The following RHOBTB3 variants were observed in gnomAD, a reference collection of about 807,000 sequenced individuals.
RHOBTB3 encodes the protein Rho related BTB domain containing 3.
In RHOBTB3, 47 loss-of-function variants were observed where a neutral mutation model predicts 67.2. The ratio of observed to expected loss-of-function variants is 0.70; its 90% CI spans 0.55 to 0.89. The LOEUF is 0.89. RHOBTB3 is among the 40% of genes least tolerant of loss of function. The pLI, the probability that RHOBTB3 is intolerant of heterozygous loss-of-function variation, is 0.00. For missense variants in RHOBTB3, 631 were observed against 750.0 expected (o/e 0.84, Z 1.85); for synonymous variants, 273 against 274.2 (o/e 1.00, Z 0.04).
chr5:95,720,878 C>T (rs536466883), intron 1 of RHOBTB3, among the ~76,000 whole-genome samples: 2 of 152,292 alleles, frequency 1.3e-5, no homozygotes, highest in South Asian at 4.1e-4. Flanking sequence ...TGTGCACTAA[C>T]TTGTTCAACA....
At chr5:95,790,529 C>A (rs990272190) in intron 11 of RHOBTB3, among the ~76,000 whole-genome samples, 1 of 152,068 alleles carries the variant, frequency 6.6e-6, no homozygotes, top group African/African-American at 2.4e-5. Flanking sequence ...ATGGTATTAC[C>A]CAATTACCTA....
At position 95,767,342 on chromosome 5, in the gene RHOBTB3, C is replaced by CT. The variant is rs112510793; in HGVS notation, c.1162-692dup. On this transcript the variant is annotated intron_variant, in intron 7 of 11. Transcript: ENST00000379982. ...ATAAGGGAAAGTTGTATTTTTCTTT[C>CT]TTTTTTTTTTTTGGAGACAGGGTTT... 4.2e-3 allele frequency among the ~76,000 whole-genome samples: 620 copies of CT among 147,726 alleles called. 5 individuals are homozygous for CT. Among genetic ancestry groups the CT allele is most frequent in the Non-Finnish European group, 4.8e-3 (320 of 66,746 alleles).
chr5:95,753,460 T>C (rs1018654168), intron 5 of RHOBTB3, among the ~76,000 whole-genome samples: 29 of 152,182 alleles, frequency 1.9e-4, no homozygotes, highest in African/African-American at 6.8e-4. Flanking sequence ...TCAACTGTTA[T>C]CAGAATTTTC....
chr5:95,788,340 TC>T (rs1464626825), intron 10 of RHOBTB3, among the ~76,000 whole-genome samples: 1 of 152,248 alleles, frequency 6.6e-6, no homozygotes, highest in Non-Finnish European at 1.5e-5. Context: ...TGGTGTTTCC[TC>T]CTCAAAATAT....
At chr5:95,752,384 A>G (rs1745116667) in intron 5 of RHOBTB3, 34 bp downstream of exon 5, 1 of 1,319,912 alleles carries the variant, frequency 7.6e-7, no homozygotes, top group Non-Finnish European at 1.1e-6. Context: ...GACATTCATT[A>G]AACATTCATT....
At chr5:95,750,376 T>C (rs1745054920) in intron 4 of RHOBTB3, among the ~76,000 whole-genome samples, 1 of 152,178 alleles carries the variant, frequency 6.6e-6, no homozygotes, top group African/African-American at 2.4e-5. Flanking sequence ...TTCATTCCTT[T>C]CTAGACCTGC....
At chr5:95,779,699 C>T (rs1220859155) in intron 8 of RHOBTB3, among the ~76,000 whole-genome samples, 1 of 152,176 alleles carries the variant, frequency 6.6e-6, no homozygotes, top group Admixed American at 6.5e-5. Flanking sequence ...AGGTCATCCT[C>T]TTCCAGATTT....
chr5:95,780,154 G>A, intron 8 of RHOBTB3, 98 bp from the exon 9 acceptor site: 1 of 877,856 alleles, frequency 1.1e-6, no homozygotes, highest in East Asian at 2.6e-5. Context: ...TATCAGCCTA[G>A]CTGTCCCTAA....
rs539303902 is a variant in RHOBTB3, at chr5:95,787,996, T to C, written c.1624-766T>C. Among the ~76,000 whole-genome samples the C allele has an allele frequency of 2.0e-4, 30 of 152,350 alleles. 2 individuals carry two copies. The South Asian group carries it at 6.2e-3, about 32-fold the overall frequency. On this transcript the variant is annotated intron_variant, in intron 10 of 11. Coordinates refer to ENST00000379982, the MANE Select transcript of RHOBTB3 (RefSeq NM_014899.4). The stretch of plus-strand genomic sequence containing the variant: ...ACTGTACACTTAAGGATTGTTAAAA[T>C]GGTAAATTTTATGTTACACATATTG...
intron 8 of RHOBTB3, among the ~76,000 whole-genome samples, chr5:95,775,685 C>T (rs1019571658): frequency 1.3e-5 from 2 of 151,628 alleles, no homozygotes; most frequent in Non-Finnish European, 2.9e-5. Flanking sequence ...ATTTTAATGT[C>T]ACTCTGAAAA....
At position 95,721,229 on chromosome 5, in the gene RHOBTB3, G is replaced by A. The variant is rs79871711; in HGVS notation, n.133+3464G>A. On this transcript the variant is annotated intron_variant and non_coding_transcript_variant, in intron 1 of 5. Coordinates refer to the RHOBTB3 transcript ENST00000504949. ...TTTTTTCAGGTATCTCTAACTTAGT[G>A]GAGAAGTTTGAAAAGCTCTGCTTGC... is the stretch of plus-strand genomic sequence containing the variant. Among the ~76,000 whole-genome samples, 472 of 152,294 alleles carry A rather than the reference G, an allele frequency of 3.1e-3. 3 individuals are homozygous for A. Among genetic ancestry groups the A allele is most frequent in the African/African-American group, 6.8e-3 (283 of 41,562 alleles).
chr5:95,767,989 A>C, intron 7 of RHOBTB3, 57 bp from the exon 8 acceptor site: 1 of 1,538,080 alleles, frequency 6.5e-7, no homozygotes, highest in Non-Finnish European at 9.0e-7. Context: ...AGCCTAGCCT[A>C]TATGTTATCA....
chr5:95,752,897 C>T (rs1351402511), intron 5 of RHOBTB3, among the ~76,000 whole-genome samples: 2 of 151,936 alleles, frequency 1.3e-5, no homozygotes, highest in South Asian at 2.1e-4. Flanking sequence ...TTTGGGAGGC[C>T]GAGGTGGGAG....
intron 1 of RHOBTB3, among the ~76,000 whole-genome samples, chr5:95,720,915 C>T (rs10042821): frequency 0.014 from 2,167 of 152,164 alleles, 52 homozygotes; most frequent in African/African-American, 0.05. Flanking sequence ...CATATTTTAC[C>T]GAAGAAAAGG....
chr5:95,730,812 G>A (rs1024158208), upstream of RHOBTB3: 9 of 446,000 alleles, frequency 2.0e-5, no homozygotes, highest in South Asian at 9.5e-5. Flanking sequence ...GCAGCAGCAT[G>A]AATGTTGCCT....
chr5:95,728,680 A>T (rs1046792007), upstream of RHOBTB3, among the ~76,000 whole-genome samples: 1 of 152,204 alleles, frequency 6.6e-6, no homozygotes, highest in Non-Finnish European at 1.5e-5. Flanking sequence ...CTGAACCAGA[A>T]TGACTCCATC....
At chr5:95,728,656 T>C (rs994339612), upstream of RHOBTB3, among the ~76,000 whole-genome samples, 1 of 152,160 alleles carries the variant, frequency 6.6e-6, no homozygotes, top group Admixed American at 6.6e-5. Context: ...AACTAATTAA[T>C]ATGTCAGAGG....
At chr5:95,740,999 G>T (rs955817014) in intron 3 of RHOBTB3, among the ~76,000 whole-genome samples, 1 of 152,048 alleles carries the variant, frequency 6.6e-6, no homozygotes, top group Non-Finnish European at 1.5e-5. Flanking sequence ...CATCAATCAA[G>T]AAATCTAACA....
At position 95,722,222 on chromosome 5, in the gene RHOBTB3, T is replaced by C. The variant is rs146348608; in HGVS notation, n.133+4457T>C. Among the ~76,000 whole-genome samples, 645 of 152,114 alleles carry C rather than the reference T, an allele frequency of 4.2e-3. 20 individuals are homozygous for C. The highest frequency in any genetic ancestry group is 0.032 in the Admixed American group (491 of 15,272). On this transcript the variant is annotated intron_variant and non_coding_transcript_variant, in intron 1 of 5. Transcript: ENST00000504949. ...CAGCAAGCAAAGGGAGTGCAGGAGA[T>C]GGGGAAGGCTTTTAGTACAGTTAAA...
Sources: gnomAD v4.1 joint callset for allele counts (sites outside exome capture counted in the v4.1 genomes callset) on GRCh38, gnomAD v4.1.1 for gene constraint, MANE v1.5 for transcripts, NCBI Gene and HGNC (gene_info 2026-07-23, HGNC 2026-07-21) for gene names.